The following TAC1 variants were observed in gnomAD, a reference collection of about 807,000 sequenced individuals.
The protein encoded by TAC1 is tachykinin precursor 1.
TAC1 carries 12 observed loss-of-function variants against 21.7 expected under a neutral mutation model. The ratio of observed to expected loss-of-function variants is 0.55; its 90% CI spans 0.35 to 0.89. The LOEUF is 0.89. Among genes scored for constraint, TAC1 ranks in the 40% least tolerant of loss-of-function variants. The pLI is 0.01. For missense variants in TAC1, 128 were observed against 151.4 expected, an observed-to-expected ratio of 0.85 and a Z score of 0.81; for synonymous variants, 52 against 52.0, an observed-to-expected ratio of 1.00 and a Z score of 0.00.
At chr7:97,733,920 C>A in intron 3 of TAC1, 101 bp downstream of exon 3, 1 of 1,210,296 alleles carries the variant, frequency 8.3e-7, no homozygotes, top group Non-Finnish European at 1.2e-6. Context: ...TAGAGATTTC[C>A]ACTCCAAGAG....
rs762164973 is a variant in TAC1 at position 97,734,231 on chromosome 7, A to T, written c.221-17A>T. 1 of 1,613,524 alleles carries T rather than the reference A, an allele frequency of 6.2e-7. No homozygotes were observed. Among genetic ancestry groups the T allele is most frequent in the Non-Finnish European group, 8.5e-7 (1 of 1,179,514 alleles). On this transcript the variant is annotated splice_polypyrimidine_tract_variant and intron_variant, in intron 3 of 6. Coordinates refer to ENST00000319273, the MANE Select transcript of TAC1 (RefSeq NM_003182.3). The stretch of plus-strand genomic sequence containing the variant: ...GTCAGTGGAACATGTAGTTAATGAC[A>T]ATTCGTCTCTTGTCAGATTCCTCAA...
intron 2 of TAC1, among the ~76,000 whole-genome samples, chr7:97,733,326 C>T (rs1486800874): frequency 6.6e-6 from 1 of 152,168 alleles, no homozygotes; most frequent in Non-Finnish European, 1.5e-5. Context: ...CACCCTTCCC[C>T]ACCGGAGCCC....
rs1165610886 is a variant in TAC1 at position 97,736,072 on chromosome 7, G to A, written c.290-227G>A. Among the ~76,000 whole-genome samples, 9 of 151,918 alleles carry A rather than the reference G, an allele frequency of 5.9e-5. No homozygotes were observed. In the East Asian group the frequency reaches 1.7e-3, roughly 29 times the overall value. ...CAGATAAAATATATGAATAGAGAGT[G>A]CTTGCTAATATTAAATATAGAATTA... On this transcript the variant is annotated intron_variant, in intron 5 of 6. Transcript: ENST00000319273.
In TAC1 at chr7:97,734,106, A is replaced by T. The variant is rs985478410; in HGVS notation, c.221-142A>T. ...CGGGCCTCCAGGGGTAGTACTGCGG[A>T]TGATCCAAGTGCATGTGGAAGAGGA... On this transcript the variant is annotated intron_variant, in intron 3 of 6. Coordinates refer to ENST00000319273, the MANE Select transcript of TAC1 (RefSeq NM_003182.3). The T allele has an allele frequency of 3.7e-6, 3 of 819,166 alleles. No individual in the cohort carries two copies. In the African/African-American group the frequency reaches 5.1e-5, roughly 14 times the overall value. 50.7% of individuals were successfully genotyped at this position (819,166 alleles called of 1,614,324 possible).
chr7:97,733,585 ACCCCG>A (rs1789485844), intron 2 of TAC1, 133 bp from the exon 3 acceptor site: 2 of 715,416 alleles, frequency 2.8e-6, no homozygotes, highest in African/African-American at 3.7e-5. Context: ...CTCGGGAGGG[ACCCCG>A]CTCAGCCCGA....
In TAC1 at chr7:97,734,298, C is replaced by T. The variant is rs753436452; in HGVS notation, c.265+6C>T. ...CCTGTTAAAGGCTCTTTATGGTAAA[C>T]ATTCCTATAAATCTTTATTTTACTA... is the stretch of plus-strand genomic sequence containing the variant. On this transcript the variant is annotated splice_donor_region_variant and intron_variant, in intron 4 of 6. Transcript: ENST00000319273. 2 of 1,610,676 alleles carry T rather than the reference C, an allele frequency of 1.2e-6. No individual in the cohort carries two copies. Among genetic ancestry groups the T allele is most frequent in the Admixed American group, 1.7e-5 (1 of 59,932 alleles).
chr7:97,734,848 A>C lies in TAC1; in HGVS notation c.288A>C (p.Lys96Asn). 1 of 1,589,774 alleles carries C rather than the reference A, an allele frequency of 6.3e-7. No homozygotes were observed. Among genetic ancestry groups the C allele is most frequent in the Non-Finnish European group, 8.6e-7 (1 of 1,161,578 alleles). Reference protein sequence around the residue: ...ALYGHGQISHKRHKTDSFVGL... With the variant: ...ALYGHGQISHNRHKTDSFVGL... ...TAGGACATGGCCAGATCTCTCACAA[A>C]AGTAAGTTCAAAATTATTTTGACAT... is the stretch of plus-strand genomic sequence containing the variant. Residue 96 changes from lysine (K) to asparagine (N), a missense_variant and splice_region_variant, in exon 5 of 7, where the codon AAA becomes AAC. By Grantham distance (94) the Lys-to-Asn change is moderately conservative. Transcript: ENST00000319273.
In TAC1 at chr7:97,734,360, T is replaced by C. The variant is rs1584416601; in HGVS notation, c.265+68T>C. The C allele has an allele frequency of 5.7e-6, 8 of 1,399,920 alleles. No homozygotes were observed. The East Asian group carries it at 1.9e-4, about 33-fold the overall frequency. 86.7% of individuals were successfully genotyped at this position (1,399,920 alleles called of 1,614,324 possible). ...CATGTAGGAAAGTGAAATAAAATCTTTTATGGGCTGAAATACAAGATCTGG... is the reference window on the plus strand; with the variant it reads ...CATGTAGGAAAGTGAAATAAAATCTCTTATGGGCTGAAATACAAGATCTGG... On this transcript the variant is annotated intron_variant, in intron 4 of 6. Coordinates refer to ENST00000319273, the MANE Select transcript of TAC1 (RefSeq NM_003182.3).
chr7:97,733,768 C>A lies in TAC1; in HGVS notation c.169C>A (p.Arg57=). 6.2e-7 allele frequency: 1 copy of A among 1,614,126 alleles called. No individual in the cohort carries two copies. Reference sequence around the variant, plus strand: ...TGAGCATCTTCTGCAGAGAATCGCCCGGAGACCCAAGCCTCAGCAGTTCTT... The same window carrying A: ...TGAGCATCTTCTGCAGAGAATCGCCAGGAGACCCAAGCCTCAGCAGTTCTT... The part of the protein sequence containing the change: ...PFEHLLQRIA[R]RPKPQQFFGL... Residue 57 remains arginine (R), a synonymous_variant, in exon 3 of 7, where the codon CGG becomes AGG. Transcript: ENST00000319273.
At chr7:97,733,624 C>A in intron 2 of TAC1, 99 bp from the exon 3 acceptor site, 1 of 1,195,732 alleles carries the variant, frequency 8.4e-7, no homozygotes, top group Non-Finnish European at 1.2e-6. Flanking sequence ...CGCCTCCCCA[C>A]GCCTCGGGGC....
chr7:97,734,185 T>A (rs1366534994), intron 3 of TAC1, 63 bp from the exon 4 acceptor site: 2 of 1,496,602 alleles, frequency 1.3e-6, no homozygotes, highest in African/African-American at 2.8e-5. Context: ...AGAAATATCG[T>A]TTCCTTGAAT....
At position 97,740,008 on chromosome 7, in the gene TAC1, T is replaced by C; in HGVS notation, c.*88T>C. 1 of 910,114 alleles carries C rather than the reference T, an allele frequency of 1.1e-6. No homozygotes were observed. Among genetic ancestry groups the C allele is most frequent in the Non-Finnish European group, 1.6e-6 (1 of 619,226 alleles). The allele number at this position is 910,114 out of a possible 1,614,324, so 56.4% of individuals were successfully genotyped here. A position where few individuals can be genotyped will look rare whatever the true frequency, so the allele number is the denominator to read the frequency against. On this transcript the variant is annotated 3_prime_UTR_variant, in exon 7 of 7. Transcript: ENST00000319273. ...AGACATGCACTATGAGGAATAATTA[T>C]TTATTTAATAACAATTGTTTGGGGT...
At chr7:97,736,168 C>A in intron 5 of TAC1, 131 bp from the exon 6 acceptor site, 1 of 629,672 alleles carries the variant, frequency 1.6e-6, no homozygotes. Flanking sequence ...TTTCTTCAGT[C>A]TCACCAAAAC....
intron 6 of TAC1, 65 bp from the exon 7 acceptor site, chr7:97,739,809 C>A: frequency 4.9e-6 from 6 of 1,225,082 alleles, no homozygotes; most frequent in Non-Finnish European, 5.9e-6. Context: ...ATGCCCTGAA[C>A]TTTAGTTGTG....
In TAC1 at chr7:97,732,860, G is replaced by T; in HGVS notation, c.123+125G>T. On this transcript the variant is annotated intron_variant, in intron 2 of 6. Transcript: ENST00000319273. This position sits in a 1 kb window ranked among gnomAD's most constrained non-coding sequence, Gnocchi z 6.2. ...CACCACGGAAAGAGGCAGCGGTTGCGTGCGAGAGGATGGAAAGGGGCACTA... is the reference window on the plus strand; with the variant it reads ...CACCACGGAAAGAGGCAGCGGTTGCTTGCGAGAGGATGGAAAGGGGCACTA... 1 of 1,282,184 alleles carries T rather than the reference G, an allele frequency of 7.8e-7. No individual in the cohort carries two copies. Among genetic ancestry groups the T allele is most frequent in the Non-Finnish European group, 1.1e-6 (1 of 942,344 alleles). 79.4% of individuals were successfully genotyped at this position (1,282,184 alleles called of 1,614,324 possible). A position where few individuals can be genotyped will look rare whatever the true frequency, so the allele number is the denominator to read the frequency against.
intron 5 of TAC1, 129 bp downstream of exon 5, chr7:97,734,978 G>T: frequency 1.5e-6 from 1 of 654,720 alleles, no homozygotes. Flanking sequence ...GACAATATAA[G>T]AATGGGGGAG....
rs1216327124 is a variant in TAC1 at position 97,736,389 on chromosome 7, T to C, written c.343+37T>C. On this transcript the variant is annotated intron_variant, in intron 6 of 6. Coordinates refer to ENST00000319273, the MANE Select transcript of TAC1 (RefSeq NM_003182.3). ...ATTATGACTGAAAATAGACAGTATC[T>C]CAAATCTATTTCTATTTTTTCTAAG... 3.9e-6 allele frequency: 6 copies of C among 1,532,292 alleles called. No individual in the cohort carries two copies. The Admixed American group carries it at 9.2e-5, about 24-fold the overall frequency. The allele number at this position is 1,532,292 out of a possible 1,614,324, so 94.9% of individuals were successfully genotyped here.
In TAC1 at chr7:97,736,292, T is replaced by C. The variant is rs746121957; in HGVS notation, c.290-7T>C. ...ATATTAAAATACCCCTAAATGTATT[T>C]TTCCAGGACATAAAACAGATTCCTT... On this transcript the variant is annotated splice_region_variant and splice_polypyrimidine_tract_variant and intron_variant, in intron 5 of 6. Transcript: ENST00000319273. The C allele has an allele frequency of 8.7e-6, 14 of 1,609,648 alleles. 1 individual carries two copies. The Middle Eastern group carries it at 1.2e-3, about 133-fold the overall frequency.
rs759207877 is a variant in TAC1 at position 97,733,765 on chromosome 7, G to C, written c.166G>C (p.Ala56Pro). The C allele has an allele frequency of 6.2e-7, 1 of 1,614,116 alleles. No individual in the cohort carries two copies. The highest frequency in any genetic ancestry group is 8.5e-7 in the Non-Finnish European group (1 of 1,180,022). Residue 56 changes from alanine (A) to proline (P), a missense_variant, in exon 3 of 7, where the codon GCC becomes CCC. Physicochemically the swap from Ala to Pro is conservative, Grantham distance 27. Transcript: ENST00000319273. ...EPFEHLLQRI[A>P]RRPKPQQFFG... is the part of the protein sequence containing the mutation. ...CTTTGAGCATCTTCTGCAGAGAATC[G>C]CCCGGAGACCCAAGCCTCAGCAGTT...
Sources: gnomAD v4.1 joint callset for allele counts (sites outside exome capture counted in the v4.1 genomes callset) on GRCh38, gnomAD v4.1.1 for gene constraint, Gnocchi (gnomAD v3.1) non-coding constraint, MANE v1.5 for transcripts, NCBI Gene and HGNC (gene_info 2026-07-23, HGNC 2026-07-21) for gene names.